AGBL3: variants seen among roughly 807,000 people sequenced by gnomAD.
The protein encoded by AGBL3 is cytosolic carboxypeptidase 3.
A neutral mutation model predicts 94.5 loss-of-function variants in AGBL3; 68 were observed. The observed-to-expected ratio is 0.72, with a 90% CI of 0.59 to 0.88. The LOEUF is 0.88. AGBL3 is among the 40% of genes least tolerant of loss of function. AGBL3 has a pLI of 0.00. For missense variants in AGBL3, 934 were observed against 1,103.8 expected, an observed-to-expected ratio of 0.85 and a Z score of 2.18; for synonymous variants, 354 against 370.7, an observed-to-expected ratio of 0.95 and a Z score of 0.52.
intron 15 of AGBL3, chr7:135,094,162 T>C: frequency 3.0e-6 from 1 of 338,630 alleles, no homozygotes; most frequent in South Asian, 2.3e-5. Context: ...ATAGACTTAC[T>C]ATTTAAACAG....
chr7:135,118,110 T>C (rs1826586399), intron 16 of AGBL3, among the ~76,000 whole-genome samples: 1 of 152,158 alleles, frequency 6.6e-6, no homozygotes, highest in South Asian at 2.1e-4. Flanking sequence ...TCCCTCTGTT[T>C]CCATGAGTAG....
chr7:135,004,537 T>C (rs1812140322), intron 4 of AGBL3, among the ~76,000 whole-genome samples: 2 of 151,696 alleles, frequency 1.3e-5, no homozygotes, highest in Admixed American at 6.6e-5. Context: ...GTTACTGTTT[T>C]AGAGAGACAG....
At chr7:135,077,062 C>T (rs1400993634) in intron 13 of AGBL3, among the ~76,000 whole-genome samples, 1 of 152,200 alleles carries the variant, frequency 6.6e-6, no homozygotes, top group East Asian at 1.9e-4. Context: ...GACTCTGCAG[C>T]TCGGTAAGAC....
intron 8 of AGBL3, among the ~76,000 whole-genome samples, chr7:135,039,561 C>A (rs1816642512): frequency 6.6e-6 from 1 of 151,964 alleles, no homozygotes; most frequent in African/African-American, 2.4e-5. Flanking sequence ...ATGGTGAAAC[C>A]TCATCTCTAC....
intron 11 of AGBL3, among the ~76,000 whole-genome samples, chr7:135,058,843 G>A (rs1402437369): frequency 2.0e-5 from 3 of 151,880 alleles, no homozygotes; most frequent in East Asian, 1.9e-4. Context: ...TGCAACCTCC[G>A]CCTCCTGGGC....
chr7:135,028,017 G>A (rs923491653), intron 5 of AGBL3, among the ~76,000 whole-genome samples: 1 of 151,652 alleles, frequency 6.6e-6, no homozygotes, highest in African/African-American at 2.4e-5. Flanking sequence ...CATTAGGTGT[G>A]AAATAGCATC....
chr7:135,059,114 G>A (rs1292531781), intron 11 of AGBL3, 55 bp from the exon 12 acceptor site: 2 of 1,327,210 alleles, frequency 1.5e-6, no homozygotes, highest in African/African-American at 3.0e-5. Flanking sequence ...AGCAACAGTT[G>A]AAATTTTAAG....
At chr7:135,059,068 T>C in intron 11 of AGBL3, 101 bp from the exon 12 acceptor site, 1 of 960,448 alleles carries the variant, frequency 1.0e-6, no homozygotes, top group East Asian at 2.7e-5. Context: ...CTTCTTATAA[T>C]TAGAACTTTT....
At chr7:135,046,309 G>C (rs957417173) in intron 11 of AGBL3, among the ~76,000 whole-genome samples, 3 of 152,190 alleles carry the variant, frequency 2.0e-5, no homozygotes, top group South Asian at 2.1e-4. Flanking sequence ...CAGTTAATGA[G>C]TCTGCAGTGA....
chr7:135,023,876 T>C (rs1814786305), intron 5 of AGBL3, among the ~76,000 whole-genome samples: 1 of 152,184 alleles, frequency 6.6e-6, no homozygotes, highest in South Asian at 2.1e-4. Flanking sequence ...TACTTCCCAG[T>C]GGCCTAGGAG....
At chr7:135,055,885 G>A (rs1430471537) in intron 11 of AGBL3, among the ~76,000 whole-genome samples, 2 of 152,050 alleles carry the variant, frequency 1.3e-5, no homozygotes, top group African/African-American at 4.8e-5. Context: ...TCTGGGACTT[G>A]TGCTTTGTTT....
intron 8 of AGBL3, among the ~76,000 whole-genome samples, chr7:135,041,308 G>C (rs1460166231): frequency 1.3e-5 from 2 of 151,990 alleles, no homozygotes; most frequent in Non-Finnish European, 2.9e-5. Flanking sequence ...AACTAGAATA[G>C]GCAAAACAAT....
intron 5 of AGBL3, among the ~76,000 whole-genome samples, chr7:135,023,432 A>G (rs1368633900): frequency 2.6e-5 from 4 of 152,140 alleles, no homozygotes; most frequent in African/African-American, 9.7e-5. Context: ...AAGTGAAGGG[A>G]TGGTGGGACA....
chr7:135,032,366 G>A (rs1385107853), intron 5 of AGBL3, among the ~76,000 whole-genome samples: 4 of 151,676 alleles, frequency 2.6e-5, no homozygotes, highest in South Asian at 2.1e-4. Context: ...GTGTAGTGAC[G>A]CGATCTCCGC....
chr7:135,038,912 T>C (rs1243159511), intron 8 of AGBL3, among the ~76,000 whole-genome samples: 1 of 150,892 alleles, frequency 6.6e-6, no homozygotes, highest in Non-Finnish European at 1.5e-5. Context: ...TGAGCCGAGA[T>C]GGCGCCACTG....
intron 15 of AGBL3, chr7:135,093,123 G>T (rs963062996): frequency 4.0e-5 from 6 of 150,556 alleles, no homozygotes; most frequent in Non-Finnish European, 7.4e-5. Flanking sequence ...CTGAGACCTG[G>T]AACAAGACAG....
intron 12 of AGBL3, among the ~76,000 whole-genome samples, chr7:135,068,809 T>C (rs1447219437): frequency 6.6e-6 from 1 of 152,148 alleles, no homozygotes; most frequent in East Asian, 1.9e-4. Context: ...CCATCGATGC[T>C]AGGAAGAAAC....
At chr7:135,040,424 T>C (rs1186684414) in intron 8 of AGBL3, among the ~76,000 whole-genome samples, 1 of 152,138 alleles carries the variant, frequency 6.6e-6, no homozygotes, top group Non-Finnish European at 1.5e-5. Flanking sequence ...TAATAGACCA[T>C]GACCAGATGG....
chr7:135,017,201 G>A (rs757523504), intron 5 of AGBL3, 42 bp downstream of exon 5: 12 of 1,362,406 alleles, frequency 8.8e-6, no homozygotes, highest in Non-Finnish European at 1.2e-5. Flanking sequence ...ATATAATTTG[G>A]TACTTAGGTT....
Sources: allele counts gnomAD v4.1 joint callset (sites outside exome capture counted in the v4.1 genomes callset), GRCh38; gene constraint gnomAD v4.1.1; transcripts MANE v1.5; gene names NCBI Gene and HGNC (gene_info 2026-07-23, HGNC 2026-07-21).